DDX60: variants seen among roughly 807,000 people sequenced by gnomAD.
DDX60 encodes DExD/H-box helicase 60.
A neutral mutation model predicts 212.8 loss-of-function variants in DDX60; 165 were observed. That is an observed-to-expected ratio of 0.78 (90% CI 0.68 to 0.88). The LOEUF (loss-of-function observed/expected upper bound fraction) is 0.88, where lower values mean the gene tolerates loss of function less well. Ranked by LOEUF, DDX60 falls within the 40% of genes least tolerant of loss-of-function variation. The pLI, the probability that DDX60 is intolerant of heterozygous loss-of-function variation, is 0.00. For missense variants in DDX60, 1,905 were observed against 2,003.9 expected, an observed-to-expected ratio of 0.95 and a Z score of 0.94; for synonymous variants, 703 against 685.3, an observed-to-expected ratio of 1.03 and a Z score of -0.40.
intron 28 of DDX60, among the ~76,000 whole-genome samples, chr4:168,250,078 C>A (rs191103755): frequency 6.6e-6 from 1 of 152,162 alleles, no homozygotes; most frequent in Non-Finnish European, 1.5e-5. Flanking sequence ...AAAATCCCTG[C>A]GCACTGTCAT....
intron 13 of DDX60, among the ~76,000 whole-genome samples, chr4:168,283,087 GTAGA>G: frequency 6.6e-6 from 1 of 152,074 alleles, no homozygotes; most frequent in East Asian, 1.9e-4. Context: ...TAGAAAAAAA[GTAGA>G]TAAACATTTC....
intron 25 of DDX60, among the ~76,000 whole-genome samples, chr4:168,257,939 C>T (rs1044617328): frequency 4.6e-5 from 7 of 152,118 alleles, no homozygotes; most frequent in African/African-American, 9.7e-5. Context: ...ATCAATTTAT[C>T]GGTGGAGATG....
chr4:168,284,326 G>T (rs1049742049), intron 12 of DDX60, among the ~76,000 whole-genome samples: 8 of 152,114 alleles, frequency 5.3e-5, no homozygotes. Context: ...GGGGCTGGGG[G>T]TAAGCATAGG....
In DDX60 at chr4:168,274,075, G is replaced by A. The variant is rs1735221007; in HGVS notation, c.2313C>T (p.Leu771=). The A allele has an allele frequency of 6.2e-7, 1 of 1,614,154 alleles. No individual in the cohort carries two copies. The highest frequency in any genetic ancestry group is 1.1e-5 in the South Asian group (1 of 91,082). The change falls in exon 17 of 38, where the codon CTC becomes CTT. Residue 771 remains leucine (L), a synonymous_variant. Transcript: ENST00000393743. The part of the protein sequence containing the change: ...DFIPDTWQRE[L]LDVVDKNESA... ...ACTCATTCTTATCCACAACATCAAG[G>A]AGCTCTCGCTGCAGGGTGCAGAGTA... is the stretch of plus-strand genomic sequence containing the variant.
Position 168,270,875 on chromosome 4 carries a change from C to CTTT in DDX60, c.2670+1165_2670+1167dup, listed in dbSNP as rs759054592. 8.2e-4 allele frequency among the ~76,000 whole-genome samples: 91 copies of CTTT among 110,860 alleles called. 2 individuals carry two copies. The highest frequency in any genetic ancestry group is 1.6e-3 in the African/African-American group (42 of 27,052). 72.7% of individuals were successfully genotyped at this position (110,860 alleles called of 152,430 possible). A position where few individuals can be genotyped will look rare whatever the true frequency, so the allele number is the denominator to read the frequency against. On this transcript the variant is annotated intron_variant, in intron 19 of 37. Coordinates refer to ENST00000393743, the MANE Select transcript of DDX60 (RefSeq NM_017631.6). ...TATTCCCCCTTTTTTTTCTTTCTTT[C>CTTT]TTTTTTTTTTTTTTTTTTTGGAGAT...
intron 6 of DDX60, among the ~76,000 whole-genome samples, chr4:168,299,309 A>G (rs943333444): frequency 6.6e-6 from 1 of 151,972 alleles, no homozygotes; most frequent in African/African-American, 2.4e-5. Flanking sequence ...AGCATAATCT[A>G]TGGGCTATAT....
chr4:168,225,423 GC>G (rs1733218123), intron 34 of DDX60, 105 bp downstream of exon 34: 12 of 1,215,716 alleles, frequency 9.9e-6, no homozygotes, highest in Non-Finnish European at 1.4e-5. Flanking sequence ...TCACTTGAGG[GC>G]AAAATAAACT....
intron 33 of DDX60, among the ~76,000 whole-genome samples, chr4:168,227,493 T>A (rs963766516): frequency 6.6e-5 from 10 of 152,130 alleles, no homozygotes; most frequent in African/African-American, 2.4e-4. Flanking sequence ...ATTTTATTAT[T>A]CTTTACAAAG....
the DDX60 span, among the ~76,000 whole-genome samples, chr4:168,325,838 T>G: frequency 1.4e-4 from 21 of 152,232 alleles, no homozygotes; most frequent in African/African-American, 4.6e-4. Flanking sequence ...AAATCCTTCT[T>G]TGGTTCAACA....
In DDX60 at chr4:168,225,639, G is replaced by A. The variant is rs77841982; in HGVS notation, c.4571C>T (p.Ala1524Val). 6 of 1,611,432 alleles carry A rather than the reference G, an allele frequency of 3.7e-6. No individual in the cohort carries two copies. In the South Asian group the frequency reaches 6.6e-5, roughly 18 times the overall value. Residue 1524 changes from alanine to valine, a missense_variant, in exon 34 of 38, where the codon GCT becomes GTT. Transcript: ENST00000393743. ...LDDLPEDFSDALDEYNMKIME... is the reference protein window; with the variant it reads ...LDDLPEDFSDVLDEYNMKIME... ...AATTTTCATGTTATATTCATCTAAA[G>A]CATCACTAAAATCCTCAGGGAGATC...
At chr4:168,285,555 A>G in intron 10 of DDX60, 57 bp from the exon 11 acceptor site, 2 of 986,088 alleles carry the variant, frequency 2.0e-6, no homozygotes, top group Non-Finnish European at 3.0e-6. Context: ...TTCAGACAGG[A>G]ATATTACATA....
intron 25 of DDX60, among the ~76,000 whole-genome samples, chr4:168,256,144 A>C (rs537807589): frequency 2.1e-5 from 3 of 141,650 alleles, no homozygotes; most frequent in Non-Finnish European, 4.6e-5. Flanking sequence ...GGACAATGCA[A>C]TCAGAACTCG....
At chr4:168,239,407 T>TAGATAGAC (rs1413240167) in intron 30 of DDX60, among the ~76,000 whole-genome samples, 1 of 149,528 alleles carries the variant, frequency 6.7e-6, no homozygotes, top group Non-Finnish European at 1.5e-5. Context: ...GATAGATAGA[T>TAGATAGAC]AGATAGAGGT....
chr4:168,306,651 G>T lies in DDX60; in HGVS notation c.334C>A (p.Gln112Lys), dbSNP rs1736893769. 14 of 1,614,058 alleles carry T rather than the reference G, an allele frequency of 8.7e-6. No individual in the cohort carries two copies. The highest frequency in any genetic ancestry group is 2.2e-5 in the East Asian group (1 of 44,870). ...SLRTALILHL[Q>K]KNTTIDVRTT... is the part of the protein sequence containing the mutation. The stretch of plus-strand genomic sequence containing the variant: ...CGAACATCAATGGTGGTATTCTTCT[G>T]AAGATGAAGAATTAAAGCAGTTCTC... The change falls in exon 5 of 38, where the codon CAG (glutamine) becomes AAG (lysine). Residue 112 changes from glutamine (Q) to lysine (K), a missense_variant. Physicochemically the swap from Gln to Lys is moderately conservative, Grantham distance 53. Coordinates refer to ENST00000393743, the MANE Select transcript of DDX60 (RefSeq NM_017631.6).
At chr4:168,312,697 T>C (rs1012784584) in intron 1 of DDX60, among the ~76,000 whole-genome samples, 4 of 99,004 alleles carry the variant, frequency 4.0e-5, no homozygotes, top group Non-Finnish European at 8.1e-5. Flanking sequence ...ATAGATTGAT[T>C]GATATAGATA....
chr4:168,297,375 AAAGAAAG>A (rs1736439362), intron 6 of DDX60, among the ~76,000 whole-genome samples: 2 of 57,728 alleles, frequency 3.5e-5, no homozygotes, highest in African/African-American at 1.3e-4. Flanking sequence ...AGAAAGAAAG[AAAGAAAG>A]AGAAAGAAAG....
At chr4:168,224,563 T>G (rs1578966899) in intron 34 of DDX60, among the ~76,000 whole-genome samples, 178 bp from the exon 35 acceptor site, 1 of 152,042 alleles carries the variant, frequency 6.6e-6, no homozygotes, top group East Asian at 1.9e-4. Context: ...CAGAATACAT[T>G]CAATGAAAGT....
chr4:168,265,319 T>C (rs1430425759), intron 22 of DDX60: 1 of 152,180 alleles, frequency 6.6e-6, no homozygotes, highest in East Asian at 1.9e-4. Context: ...CATTTTTTCA[T>C]ATTAATCTGA....
chr4:168,290,048 A>G lies in DDX60; in HGVS notation c.1041+1700T>C, dbSNP rs140431586. On this transcript the variant is annotated intron_variant, in intron 8 of 37. Coordinates refer to ENST00000393743, the MANE Select transcript of DDX60 (RefSeq NM_017631.6). ...CTCAGTGAATCCTCATTGGGCTTCT[A>G]TCAAGTTACATCTGTATTTTCTTAA... is the stretch of plus-strand genomic sequence containing the variant. Among the ~76,000 whole-genome samples the G allele has an allele frequency of 6.0e-4, 91 of 152,260 alleles. 1 individual carries two copies. Among genetic ancestry groups the G allele is most frequent in the African/African-American group, 2.0e-3 (83 of 41,552 alleles).
Sources: gnomAD v4.1 joint callset for allele counts (sites outside exome capture counted in the v4.1 genomes callset) on GRCh38, gnomAD v4.1.1 for gene constraint, MANE v1.5 for transcripts, NCBI Gene and HGNC (gene_info 2026-07-23, HGNC 2026-07-21) for gene names.